Variants in CA10 observed in about 807,000 individuals in gnomAD.
The protein encoded by CA10 is carbonic anhydrase-related protein 10.
CA10 carries 14 observed loss-of-function variants against 44.2 expected under a neutral mutation model. The observed-to-expected ratio is 0.32, with a 90% confidence interval of 0.21 to 0.50. CA10 has a LOEUF of 0.50. CA10 is among the 20% of genes least tolerant of loss of function. The pLI is 0.99. For missense variants in CA10, 350 were observed against 409.7 expected (o/e 0.85, Z 1.26); for synonymous variants, 159 against 141.6 (o/e 1.12, Z -0.87).
intron 3 of CA10, among the ~76,000 whole-genome samples, chr17:51,830,195 C>CAAAAAAAAAAAAAAAAAAAAAAA (rs1220410518): frequency 1.7e-4 from 15 of 89,958 alleles, no homozygotes; most frequent in South Asian, 3.3e-4. Context: ...GACTCCATCT[C>CAAAAAAAAAAAAAAAAAAAAAAA]AAAAAAAAAA....
chr17:51,992,089 G>A (rs1985062687), intron 2 of CA10, among the ~76,000 whole-genome samples: 1 of 151,874 alleles, frequency 6.6e-6, no homozygotes, highest in Non-Finnish European at 1.5e-5. Context: ...TTTGGTTCTG[G>A]TTTTTAAAGA....
chr17:51,716,954 G>A (rs951875717), intron 4 of CA10, among the ~76,000 whole-genome samples: 2 of 152,200 alleles, frequency 1.3e-5, no homozygotes, highest in African/African-American at 4.8e-5. Context: ...GAGACACAGA[G>A]AGATGAATTA....
intron 2 of CA10, among the ~76,000 whole-genome samples, chr17:52,062,686 T>C (rs996937254): frequency 1.6e-4 from 24 of 152,308 alleles, no homozygotes; most frequent in African/African-American, 5.8e-4. Flanking sequence ...GCCATAAATC[T>C]CAGCAGCATC....
intron 3 of CA10, among the ~76,000 whole-genome samples, chr17:51,811,148 G>T (rs1198285889): frequency 6.6e-6 from 1 of 150,578 alleles, no homozygotes; most frequent in Admixed American, 6.6e-5. Flanking sequence ...GTGAGCCAAG[G>T]TTGTGCCACT....
intron 1 of CA10, among the ~76,000 whole-genome samples, chr17:52,087,621 A>G (rs1192685694): frequency 6.6e-6 from 1 of 152,244 alleles, no homozygotes; most frequent in East Asian, 1.9e-4. Flanking sequence ...TGTTCTATAC[A>G]GTGAGAATAG....
intron 3 of CA10, among the ~76,000 whole-genome samples, chr17:51,888,054 C>CA (rs1014893304): frequency 3.3e-5 from 5 of 151,026 alleles, no homozygotes; most frequent in Admixed American, 2.6e-4. Context: ...CAAAACAAAA[C>CA]AAAAAAAACT....
chr17:51,920,117 A>C (rs1003790076), intron 3 of CA10, among the ~76,000 whole-genome samples: 5 of 152,186 alleles, frequency 3.3e-5, no homozygotes, highest in African/African-American at 9.7e-5. Flanking sequence ...TATAATTTTT[A>C]ATAAAAATTA....
At chr17:51,964,619 C>T (rs1305966124) in intron 2 of CA10, among the ~76,000 whole-genome samples, 3 of 151,502 alleles carry the variant, frequency 2.0e-5, no homozygotes, top group African/African-American at 7.3e-5. Context: ...CTGCCCCCAA[C>T]AGCACAATTA....
At chr17:51,699,233 G>A (rs1284923764) in intron 4 of CA10, among the ~76,000 whole-genome samples, 1 of 151,276 alleles carries the variant, frequency 6.6e-6, no homozygotes, top group African/African-American at 2.4e-5. Flanking sequence ...TGAGGCAGGA[G>A]AATCGCTTGA....
chr17:52,013,002 C>T (rs1985850044), intron 2 of CA10, among the ~76,000 whole-genome samples: 1 of 151,924 alleles, frequency 6.6e-6, no homozygotes, highest in Non-Finnish European at 1.5e-5. Flanking sequence ...ATATAGACAT[C>T]AATGTCATGT....
chr17:51,702,366 G>C (rs955109795), intron 4 of CA10, among the ~76,000 whole-genome samples: 1 of 152,000 alleles, frequency 6.6e-6, no homozygotes, highest in African/African-American at 2.4e-5. Flanking sequence ...ACCTTGCCTT[G>C]AACTACTGGG....
chr17:51,852,259 G>T (rs57462513), intron 3 of CA10, among the ~76,000 whole-genome samples: 13 of 151,978 alleles, frequency 8.6e-5, no homozygotes, highest in Non-Finnish European at 1.5e-5. Flanking sequence ...TCCGTTCAAA[G>T]AGATTTCAGC....
chr17:51,921,268 C>A (rs1421911970), intron 3 of CA10, among the ~76,000 whole-genome samples: 1 of 152,094 alleles, frequency 6.6e-6, no homozygotes. Context: ...TTTCAAGTAC[C>A]CCTCAGTGCC....
intron 3 of CA10, among the ~76,000 whole-genome samples, chr17:51,781,844 C>A (rs1386669390): frequency 6.6e-6 from 1 of 152,052 alleles, no homozygotes; most frequent in East Asian, 1.9e-4. Context: ...ATATGTATAC[C>A]ATTTTATGTC....
rs55932655 is a variant in CA10, at chr17:51,717,829, GTATATA to G, written c.465+29798_465+29803del. On this transcript the variant is annotated intron_variant, in intron 4 of 8. Coordinates refer to ENST00000451037, the MANE Select transcript of CA10 (RefSeq NM_020178.5). Reference sequence around the variant, plus strand: ...TATATACACGTATATATATGTGTGTGTATATATATATATATATATATATATATATAT... The same window carrying G: ...TATATACACGTATATATATGTGTGTGTATATATATATATATATATATATAT... Among the ~76,000 whole-genome samples the G allele has an allele frequency of 4.8e-3, 38 of 7,916 alleles. 5 individuals carry two copies. Among genetic ancestry groups the G allele is most frequent in the South Asian group, 0.014 (3 of 210 alleles). 5.2% of individuals were successfully genotyped at this position (7,916 alleles called of 152,430 possible). A position where few individuals can be genotyped will look rare whatever the true frequency, so the allele number is the denominator to read the frequency against.
At chr17:52,055,361 AAC>A (rs1307743793) in intron 2 of CA10, among the ~76,000 whole-genome samples, 6 of 151,596 alleles carry the variant, frequency 4.0e-5, no homozygotes, top group East Asian at 3.9e-4. Flanking sequence ...AAAAAAAAAA[AAC>A]AAAGCAAAAC....
chr17:51,948,869 A>G (rs985737226), intron 2 of CA10, among the ~76,000 whole-genome samples: 1 of 152,166 alleles, frequency 6.6e-6, no homozygotes, highest in Non-Finnish European at 1.5e-5. Context: ...TTTTGAAGGT[A>G]TATTTACATG....
At chr17:51,860,541 G>T (rs768416543) in intron 3 of CA10, among the ~76,000 whole-genome samples, 7 of 152,198 alleles carry the variant, frequency 4.6e-5, no homozygotes, top group Middle Eastern at 3.2e-3. Context: ...GTGGGGCATA[G>T]TTGGCCCCTG....
At chr17:52,134,616 A>C (rs1287755734) in intron 1 of CA10, among the ~76,000 whole-genome samples, 1 of 152,158 alleles carries the variant, frequency 6.6e-6, no homozygotes, top group Admixed American at 6.5e-5. Context: ...TAATAATAGT[A>C]AGTTTGTTCT....
Sources: gnomAD v4.1 joint callset for allele counts (sites outside exome capture counted in the v4.1 genomes callset) on GRCh38, gnomAD v4.1.1 for gene constraint, MANE v1.5 for transcripts, NCBI Gene and HGNC (gene_info 2026-07-23, HGNC 2026-07-21) for gene names.